The following RASGRP2 variants were observed in gnomAD, a reference collection of about 807,000 sequenced individuals.
RASGRP2 encodes RAS guanyl releasing protein 2.
A neutral mutation model predicts 71.0 loss-of-function variants in RASGRP2; 44 were observed. The observed-to-expected ratio is 0.62, with a 90% CI of 0.49 to 0.80. The LOEUF is 0.80. RASGRP2 is among the 30% of genes least tolerant of loss of function. The pLI is 0.00. For missense variants in RASGRP2, 663 were observed against 813.4 expected, an observed-to-expected ratio of 0.82 and a Z score of 2.25; for synonymous variants, 350 against 330.7, an observed-to-expected ratio of 1.06 and a Z score of -0.63.
rs745868875 is a variant in RASGRP2, at chr11:64,741,533, T to C, written c.177-32A>G. 12 of 1,526,120 alleles carry C rather than the reference T, an allele frequency of 7.9e-6. No individual in the cohort carries two copies. In the South Asian group the frequency reaches 1.2e-4, roughly 15 times the overall value. 94.5% of individuals were successfully genotyped at this position (1,526,120 alleles called of 1,614,324 possible). On this transcript the variant is annotated intron_variant, in intron 3 of 16. Coordinates refer to ENST00000394432, the MANE Select transcript of RASGRP2 (RefSeq NM_001098671.2). The stretch of plus-strand genomic sequence containing the variant: ...GAGAGGGTTAAGGAGGCCGCTTAAC[T>C]CTAGAAAGGGAGGCCTGCGTGGAGG...
rs1472149564 is a variant in RASGRP2, at chr11:64,743,017, G to T, written c.-71-80C>A. 8.5e-6 allele frequency: 12 copies of T among 1,406,090 alleles called. No individual in the cohort carries two copies. The highest frequency in any genetic ancestry group is 2.5e-5 in the East Asian group (1 of 39,560). The allele number at this position is 1,406,090 out of a possible 1,614,324, so 87.1% of individuals were successfully genotyped here. On this transcript the variant is annotated intron_variant, in intron 1 of 16. Coordinates refer to ENST00000394432, the MANE Select transcript of RASGRP2 (RefSeq NM_001098671.2). The surrounding 1 kb of genome is among the most constrained non-coding windows in gnomAD (Gnocchi z 4.9). ...CCCGCGGGCAGAAACGGGGCGGGGC[G>T]GGCACGCCCCCTGCTGGACAGGGGC...
Position 64,742,889 on chromosome 11 carries a change from G to A in RASGRP2, c.-23C>T. The A allele has an allele frequency of 6.4e-7, 1 of 1,571,390 alleles. No individual in the cohort carries two copies. Among genetic ancestry groups the A allele is most frequent in the Non-Finnish European group, 8.6e-7 (1 of 1,162,726 alleles). ...CATGGCCGCCGGCGCGGGGTGGGCT[G>A]GGCCCAGGCTGCGCTCCGGGAGCCT... is the stretch of plus-strand genomic sequence containing the variant. On this transcript the variant is annotated 5_prime_UTR_variant, in exon 2 of 17. Transcript: ENST00000394432. The surrounding 1 kb of genome is among the most constrained non-coding windows in gnomAD (Gnocchi z 4.7).
chr11:64,733,824 A>AG (rs1330723446), intron 12 of RASGRP2, among the ~76,000 whole-genome samples: 4 of 150,352 alleles, frequency 2.7e-5, no homozygotes, highest in Non-Finnish European at 5.9e-5. Context: ...AAAAGGAAAG[A>AG]GGGGACTTTC....
At chr11:64,734,403 TCA>T (rs2057864042) in intron 12 of RASGRP2, among the ~76,000 whole-genome samples, 1 of 151,960 alleles carries the variant, frequency 6.6e-6, no homozygotes, top group Admixed American at 6.6e-5. Flanking sequence ...TCCTGCCAAC[TCA>T]GTCTCCCAAA....
In RASGRP2 at chr11:64,741,480, G is replaced by C. The variant is rs371364266; in HGVS notation, c.198C>G (p.Asp66Glu). Residue 66 changes from aspartate (D) to glutamate (E), a missense_variant, in exon 4 of 17, where the codon GAC (aspartate) becomes GAG (glutamate). Asp to Glu is a conservative substitution (Grantham distance 45). Coordinates refer to ENST00000394432, the MANE Select transcript of RASGRP2 (RefSeq NM_001098671.2). ...TTTTCACCTGCAGGGAATTGGAGTT[G>C]TCCTTCCGGGATTGTTGGTAGGTGA... ...LLHIYQQSRK[D>E]NSNSLQVKTC... The C allele has an allele frequency of 1.3e-6, 2 of 1,580,884 alleles. No individual in the cohort carries two copies. The highest frequency in any genetic ancestry group is 2.7e-5 in the African/African-American group (2 of 74,382).
rs1316715125 is a variant in RASGRP2, at chr11:64,742,401, C to T, written c.74-289G>A. 3.5e-6 allele frequency: 2 copies of T among 576,912 alleles called. No individual in the cohort carries two copies. The highest frequency in any genetic ancestry group is 6.2e-6 in the Non-Finnish European group (2 of 322,124). 35.7% of individuals were successfully genotyped at this position (576,912 alleles called of 1,614,324 possible). A position where few individuals can be genotyped will look rare whatever the true frequency, so the allele number is the denominator to read the frequency against. ...GCCTGGGTTCCCCGGGGTCAAGAAT[C>T]CAGAGGTCATTTCCTGAGCGCTTGG... is the stretch of plus-strand genomic sequence containing the variant. On this transcript the variant is annotated intron_variant, in intron 2 of 16. Coordinates refer to ENST00000394432, the MANE Select transcript of RASGRP2 (RefSeq NM_001098671.2). The surrounding 1 kb of genome is among the most constrained non-coding windows in gnomAD (Gnocchi z 4.7).
chr11:64,742,065 T>A lies in RASGRP2; in HGVS notation c.121A>T (p.Met41Leu). ...GAGGGGATGTACCAGGGGTGCATCA[T>A]GAGGAACATGCGCACCAGCTGCGGG... ...RDPQLVRMFL[M>L]MHPWYIPSSQ... The change falls in exon 3 of 17, where the codon ATG becomes TTG. Residue 41 changes from methionine (M) to leucine (L), a missense_variant. By Grantham distance (15) the Met-to-Leu change is conservative. Coordinates refer to ENST00000394432, the MANE Select transcript of RASGRP2 (RefSeq NM_001098671.2). The surrounding 1 kb of genome is among the most constrained non-coding windows in gnomAD (Gnocchi z 4.7). The A allele has an allele frequency of 6.2e-7, 1 of 1,611,070 alleles. No homozygotes were observed. Among genetic ancestry groups the A allele is most frequent in the South Asian group, 1.1e-5 (1 of 90,534 alleles).
intron 3 of RASGRP2, 149 bp downstream of exon 3, chr11:64,741,861 G>T (rs527862479): frequency 2.7e-6 from 2 of 737,378 alleles, no homozygotes; most frequent in Non-Finnish European, 4.8e-6. Flanking sequence ...CAGAGCCTAG[G>T]CCCTAGTTGG....
In RASGRP2 at chr11:64,727,266, A is replaced by G. The variant is rs755725025; in HGVS notation, c.*6+30T>C. The G allele has an allele frequency of 5.0e-6, 8 of 1,602,066 alleles. No homozygotes were observed. In the African/African-American group the frequency reaches 1.1e-4, roughly 21 times the overall value. ...AGCTCCCCCCCAGCCCTCAGTGGGGAGCTCTGGTGCCAGCTGTGGGAGGAC... is the reference window on the plus strand; with the variant it reads ...AGCTCCCCCCCAGCCCTCAGTGGGGGGCTCTGGTGCCAGCTGTGGGAGGAC... On this transcript the variant is annotated intron_variant, in intron 16 of 16. Transcript: ENST00000394432.
intron 4 of RASGRP2, 112 bp from the exon 5 acceptor site, chr11:64,741,191 G>A: frequency 7.3e-7 from 1 of 1,376,904 alleles, no homozygotes; most frequent in Admixed American, 1.9e-5. Context: ...TCAAACTATG[G>A]TTCCAGCTCT....
chr11:64,727,449 A>T (rs1026147427), intron 15 of RASGRP2, 89 bp from the exon 16 acceptor site: 2 of 1,230,108 alleles, frequency 1.6e-6, no homozygotes, highest in Non-Finnish European at 2.4e-6. Flanking sequence ...CATCCACATC[A>T]TCCCAGAAGC....
Position 64,730,208 on chromosome 11 carries a change from C to CG in RASGRP2, c.1413-15dup. ...ATGCAGCCATCCCTGTGGGGAGTTG[C>CG]GGGGGCGCTTCAGCTCGGGCCCTCC... On this transcript the variant is annotated splice_polypyrimidine_tract_variant and intron_variant, in intron 12 of 16. Coordinates refer to ENST00000394432, the MANE Select transcript of RASGRP2 (RefSeq NM_001098671.2). 6.4e-7 allele frequency: 1 copy of CG among 1,551,468 alleles called. No individual in the cohort carries two copies. The highest frequency in any genetic ancestry group is 2.4e-5 in the East Asian group (1 of 40,918).
rs759223365 is a variant in RASGRP2 at position 64,739,735 on chromosome 11, G to C, written c.597C>G (p.Leu199=). 3.7e-6 allele frequency: 6 copies of C among 1,613,968 alleles called. No homozygotes were observed. The highest frequency in any genetic ancestry group is 3.3e-5 in the Admixed American group (2 of 60,028). The change falls in exon 7 of 17, where the codon CTC becomes CTG. Residue 199 remains leucine, a synonymous_variant. Coordinates refer to ENST00000394432, the MANE Select transcript of RASGRP2 (RefSeq NM_001098671.2). The surrounding 1 kb of genome is among the most constrained non-coding windows in gnomAD (Gnocchi z 4.2). ...GCACCCACTGTGAGACGCTGTTGAA[G>C]AGGGAGATGAACCGCTCCAGGACGG... ...DNPVLERFIS[L]FNSVSQWVQL... is the part of the protein sequence containing the mutation.
chr11:64,740,215 GC>G (rs1278608417), intron 5 of RASGRP2, 52 bp from the exon 6 acceptor site: 4 of 1,607,758 alleles, frequency 2.5e-6, no homozygotes, highest in African/African-American at 1.3e-5. Flanking sequence ...ATGACTCGTG[GC>G]CCCCCACTCA....
At chr11:64,740,580 GC>G (rs1230934788) in intron 5 of RASGRP2, 1 of 663,796 alleles carries the variant, frequency 1.5e-6, no homozygotes, top group African/African-American at 1.8e-5. Context: ...CCCCGGAAGA[GC>G]CCCGAACCCT....
intron 15 of RASGRP2, among the ~76,000 whole-genome samples, chr11:64,727,574 G>A (rs1298430689): frequency 5.0e-5 from 7 of 140,978 alleles, no homozygotes; most frequent in African/African-American, 1.6e-4. Flanking sequence ...GTGCAATGGC[G>A]CAATCTCGGC....
At chr11:64,736,047 G>T in intron 9 of RASGRP2, 67 bp from the exon 10 acceptor site, 1 of 1,384,480 alleles carries the variant, frequency 7.2e-7, no homozygotes, top group Non-Finnish European at 1.0e-6. Context: ...AGGGCCAAAG[G>T]TCGACCTAGA....
At position 64,742,073 on chromosome 11, in the gene RASGRP2, A is replaced by T; in HGVS notation, c.113T>A (p.Met38Lys). The T allele has an allele frequency of 6.2e-7, 1 of 1,609,860 alleles. No homozygotes were observed. Among genetic ancestry groups the T allele is most frequent in the East Asian group, 2.2e-5 (1 of 44,704 alleles). ...GTACCAGGGGTGCATCATGAGGAAC[A>T]TGCGCACCAGCTGCGGGTCCCGCAC... Reference protein sequence around the residue: ...GKVRDPQLVRMFLMMHPWYIP... With the variant: ...GKVRDPQLVRKFLMMHPWYIP... The change falls in exon 3 of 17, where the codon ATG becomes AAG. Residue 38 changes from methionine to lysine, a missense_variant. Physicochemically the swap from Met to Lys is moderately conservative, Grantham distance 95. Coordinates refer to ENST00000394432, the MANE Select transcript of RASGRP2 (RefSeq NM_001098671.2). The surrounding 1 kb of genome is among the most constrained non-coding windows in gnomAD (Gnocchi z 4.7).
rs1177761525 is a variant in RASGRP2, at chr11:64,735,202, T to A, written c.1322A>T (p.Asp441Val). ...TTCCTGTGAGATGTGGCCATCCCCA[T>A]CGACGTCAAAGTTCCGGAACACAGA... is the stretch of plus-strand genomic sequence containing the variant. Reference protein sequence around the residue: ...VESVFRNFDVDGDGHISQEEF... With the variant: ...VESVFRNFDVVGDGHISQEEF... The change falls in exon 12 of 17, where the codon GAT becomes GTT. Residue 441 changes from aspartate (D) to valine (V), a missense_variant. By Grantham distance (152) the Asp-to-Val change is radical. Transcript: ENST00000394432. The surrounding 1 kb of genome is among the most constrained non-coding windows in gnomAD (Gnocchi z 4.2). 1.2e-6 allele frequency: 2 copies of A among 1,613,966 alleles called. No homozygotes were observed. The highest frequency in any genetic ancestry group is 3.3e-5 in the Admixed American group (2 of 59,992).
Sources: gnomAD v4.1 joint callset for allele counts (sites outside exome capture counted in the v4.1 genomes callset) on GRCh38, gnomAD v4.1.1 for gene constraint, Gnocchi (gnomAD v3.1) non-coding constraint, MANE v1.5 for transcripts, NCBI Gene and HGNC (gene_info 2026-07-23, HGNC 2026-07-21) for gene names.